The following FAR2 variants were observed in gnomAD, a reference collection of about 807,000 sequenced individuals.
FAR2 encodes fatty acyl-CoA reductase 2.
A neutral mutation model predicts 56.0 loss-of-function variants in FAR2; 19 were observed. That is an observed-to-expected ratio of 0.34 (90% CI 0.24 to 0.50). The LOEUF (loss-of-function observed/expected upper bound fraction) is 0.50. FAR2 is among the 20% of genes least tolerant of loss of function. The probability of loss-of-function intolerance (pLI) is 0.98; values close to 1 mark genes in which losing one functional copy is unlikely to be tolerated. For missense variants in FAR2, 508 were observed against 642.2 expected, an observed-to-expected ratio of 0.79 and a Z score of 2.26; for synonymous variants, 219 against 218.8, an observed-to-expected ratio of 1.00 and a Z score of -0.01.
intron 2 of FAR2, among the ~76,000 whole-genome samples, chr12:29,271,364 A>G (rs1948615503): frequency 6.6e-6 from 1 of 152,182 alleles, no homozygotes; most frequent in Admixed American, 6.5e-5. Flanking sequence ...ATCACCTCTT[A>G]ACCTTCAGAT....
At chr12:29,294,373 G>GT (rs1949021013) in intron 3 of FAR2, among the ~76,000 whole-genome samples, 2 of 150,246 alleles carry the variant, frequency 1.3e-5, no homozygotes, top group Admixed American at 6.6e-5. Flanking sequence ...TGTTGAGACA[G>GT]TTTCGTTCTT....
chr12:29,274,459 T>C lies in FAR2; in HGVS notation c.189+3821T>C, dbSNP rs1466257902. Among the ~76,000 whole-genome samples, 8 of 152,056 alleles carry C rather than the reference T, an allele frequency of 5.3e-5. No homozygotes were observed. In the South Asian group the frequency reaches 1.0e-3, roughly 20 times the overall value. On this transcript the variant is annotated intron_variant, in intron 2 of 11. Transcript: ENST00000536681. Reference sequence around the variant, plus strand: ...AGTCTATCATTATTGGACATTTGGGTTGGTTCCAAGTCTTTGCTATTGTGA... The same window carrying C: ...AGTCTATCATTATTGGACATTTGGGCTGGTTCCAAGTCTTTGCTATTGTGA...
In FAR2 at chr12:29,311,149, G is replaced by A. The variant is rs1174403780; in HGVS notation, c.887+3G>A. 1 of 1,604,850 alleles carries A rather than the reference G, an allele frequency of 6.2e-7. No homozygotes were observed. Among genetic ancestry groups the A allele is most frequent in the Admixed American group, 1.7e-5 (1 of 59,944 alleles). Reference sequence around the variant, plus strand: ...GGATGGTATACTGCAGTTCACAGGTGTGGATGCTCAAGTGGGCTTTCAAAG... The same window carrying A: ...GGATGGTATACTGCAGTTCACAGGTATGGATGCTCAAGTGGGCTTTCAAAG... On this transcript the variant is annotated splice_donor_region_variant and intron_variant, in intron 7 of 11. Coordinates refer to ENST00000536681, the MANE Select transcript of FAR2 (RefSeq NM_001271783.2).
chr12:29,295,580 C>T (rs1694648188), intron 3 of FAR2, among the ~76,000 whole-genome samples: 1 of 147,676 alleles, frequency 6.8e-6, no homozygotes, highest in African/African-American at 2.6e-5. Context: ...AATATTCATT[C>T]TTCCCATCCA....
intron 1 of FAR2, among the ~76,000 whole-genome samples, chr12:29,163,693 TATC>T (rs1455600528): frequency 6.6e-6 from 1 of 152,226 alleles, no homozygotes; most frequent in Non-Finnish European, 1.5e-5. Flanking sequence ...TGAGCAGTGA[TATC>T]ATTTCAAAAG....
intron 1 of FAR2, among the ~76,000 whole-genome samples, chr12:29,225,164 A>G (rs150484870): frequency 0.011 from 1,732 of 152,276 alleles, 15 homozygotes; most frequent in Non-Finnish European, 0.017. Context: ...TGAGCCTGGG[A>G]GGTCGAGGCT....
At chr12:29,268,829 C>T (rs542574819) in intron 1 of FAR2, among the ~76,000 whole-genome samples, 5 of 152,144 alleles carry the variant, frequency 3.3e-5, no homozygotes, top group South Asian at 2.1e-4. Flanking sequence ...CATCACATGT[C>T]GGTAGGTTCC....
chr12:29,253,309 A>ATATCTATATCTATCTAGATAGATATC (rs1948258887), intron 1 of FAR2, among the ~76,000 whole-genome samples: 6 of 133,620 alleles, frequency 4.5e-5, no homozygotes, highest in African/African-American at 2.1e-4. Context: ...ATAGATATCT[A>ATATCTATATCTATCTAGATAGATATC]TATATCTATA....
In FAR2 at chr12:29,298,630, G is replaced by A. The variant is rs1949110360; in HGVS notation, c.545+1430G>A. ...AAATTTTAGAGTGCAGAGTTCATCA[G>A]GATAGTGGGAGAAAAAGCAGGTGTA... On this transcript the variant is annotated intron_variant, in intron 4 of 11. Coordinates refer to ENST00000536681, the MANE Select transcript of FAR2 (RefSeq NM_001271783.2). 7.2e-5 allele frequency among the ~76,000 whole-genome samples: 11 copies of A among 152,250 alleles called. No homozygotes were observed. In the South Asian group the frequency reaches 2.3e-3, roughly 32 times the overall value.
intron 1 of FAR2, among the ~76,000 whole-genome samples, chr12:29,267,819 T>C (rs542401612): frequency 6.6e-6 from 1 of 152,316 alleles, no homozygotes; most frequent in African/African-American, 2.4e-5. Flanking sequence ...ATAGCATTGA[T>C]GATTGGGTGT....
At chr12:29,257,728 G>A (rs1424345501) in intron 1 of FAR2, among the ~76,000 whole-genome samples, 4 of 152,010 alleles carry the variant, frequency 2.6e-5, no homozygotes, top group African/African-American at 7.2e-5. Flanking sequence ...CTGAGCCAGC[G>A]AGACCACGAA....
chr12:29,330,959 G>C (rs780855144), intron 10 of FAR2, among the ~76,000 whole-genome samples: 62 of 152,086 alleles, frequency 4.1e-4, no homozygotes, highest in Non-Finnish European at 6.0e-4. Flanking sequence ...AACACTTTTG[G>C]TGTTCAAAAT....
intron 1 of FAR2, among the ~76,000 whole-genome samples, chr12:29,249,195 G>A (rs1948171809): frequency 6.6e-6 from 1 of 152,160 alleles, no homozygotes; most frequent in South Asian, 2.1e-4. Flanking sequence ...TTGCAGTAAA[G>A]ACAGGCATAA....
intron 4 of FAR2, among the ~76,000 whole-genome samples, chr12:29,306,769 C>G (rs946285425): frequency 7.9e-5 from 12 of 152,124 alleles, no homozygotes. Flanking sequence ...GCTATGGTAA[C>G]TTGGTTATTC....
intron 10 of FAR2, among the ~76,000 whole-genome samples, chr12:29,323,691 C>A (rs1372189486): frequency 2.0e-5 from 3 of 152,210 alleles, no homozygotes; most frequent in Non-Finnish European, 2.9e-5. Flanking sequence ...AGGGTCCTGA[C>A]TGTTAGAAGG....
At chr12:29,198,032 G>A (rs1262989516) in intron 1 of FAR2, among the ~76,000 whole-genome samples, 2 of 152,178 alleles carry the variant, frequency 1.3e-5, no homozygotes, top group Admixed American at 1.3e-4. Flanking sequence ...TCAAGTAGAT[G>A]TGACATTGCT....
In FAR2 at chr12:29,308,709, C is replaced by CATATATATAT. The variant is rs1428996085; in HGVS notation, c.724-476_724-475insTATATATATA. On this transcript the variant is annotated intron_variant, in intron 5 of 11. Coordinates refer to ENST00000536681, the MANE Select transcript of FAR2 (RefSeq NM_001271783.2). ...ACACAGACACACACACACACACACA[C>CATATATATAT]ACACACACACATATATATATATATG... is the stretch of plus-strand genomic sequence containing the variant. Among the ~76,000 whole-genome samples, 71 of 103,682 alleles carry CATATATATAT rather than the reference C, an allele frequency of 6.8e-4. 1 individual carries two copies. Among genetic ancestry groups the CATATATATAT allele is most frequent in the African/African-American group, 2.1e-3 (49 of 23,132 alleles). The allele number at this position is 103,682 out of a possible 152,430, so 68.0% of individuals were successfully genotyped here.
rs1949712922 is a variant in FAR2, at chr12:29,154,777, C to T, written c.-39+5370C>T. ...TCCTCAGAGCATGCATGTCCTAATG[C>T]ATGTTAATAATCAAGAAAAGAGAGA... is the stretch of plus-strand genomic sequence containing the variant. On this transcript the variant is annotated intron_variant, in intron 1 of 11. Coordinates refer to ENST00000536681, the MANE Select transcript of FAR2 (RefSeq NM_001271783.2). Among the ~76,000 whole-genome samples, 4 of 6,254 alleles carry T rather than the reference C, an allele frequency of 6.4e-4. No homozygotes were observed. In the South Asian group the frequency reaches 0.047, roughly 73 times the overall value. The allele number at this position is 6,254 out of a possible 152,430, so 4.1% of individuals were successfully genotyped here. A position where few individuals can be genotyped will look rare whatever the true frequency, so the allele number is the denominator to read the frequency against.
intron 1 of FAR2, among the ~76,000 whole-genome samples, chr12:29,191,189 A>C (rs1950100295): frequency 6.6e-6 from 1 of 152,176 alleles, no homozygotes; most frequent in Non-Finnish European, 1.5e-5. Flanking sequence ...TTCCCTTCCT[A>C]ACCAAAATAG....
Sources: gnomAD v4.1 joint callset for allele counts (sites outside exome capture counted in the v4.1 genomes callset) on GRCh38, gnomAD v4.1.1 for gene constraint, MANE v1.5 for transcripts, NCBI Gene and HGNC (gene_info 2026-07-23, HGNC 2026-07-21) for gene names.